TOLLIP: variants seen among roughly 807,000 people sequenced by gnomAD.
TOLLIP encodes toll interacting protein.
Under a neutral mutation model 33.5 loss-of-function variants are expected in TOLLIP, and 16 were observed. The ratio of observed to expected loss-of-function variants is 0.48; its 90% CI spans 0.32 to 0.72. TOLLIP has a LOEUF of 0.72. Among genes scored for constraint, TOLLIP ranks in the 30% least tolerant of loss-of-function variants. The probability of loss-of-function intolerance (pLI) is 0.03; values close to 1 mark genes in which losing one functional copy is unlikely to be tolerated. For synonymous variants in TOLLIP, 176 were observed against 163.7 expected, an observed-to-expected ratio of 1.07 and a Z score of -0.57; for missense variants, 325 against 396.6, an observed-to-expected ratio of 0.82 and a Z score of 1.53.
chr11:1,289,961 C>A, intron 3 of TOLLIP: 1 of 454,306 alleles, frequency 2.2e-6, no homozygotes, highest in East Asian at 3.9e-5. Flanking sequence ...GTGCGCCCAG[C>A]GGAGGGGACA....
chr11:1,283,764 G>A (rs963549270), intron 5 of TOLLIP, among the ~76,000 whole-genome samples: 9 of 152,202 alleles, frequency 5.9e-5, no homozygotes, highest in African/African-American at 1.2e-4. Context: ...ACACCCTGGC[G>A]CTGTATCCAG....
intron 1 of TOLLIP, among the ~76,000 whole-genome samples, chr11:1,305,179 A>C (rs1455096472): frequency 6.6e-6 from 1 of 152,252 alleles, no homozygotes; most frequent in East Asian, 1.9e-4. Flanking sequence ...CAAGCACAGC[A>C]ATTCCACACC....
chr11:1,282,476 T>C (rs1863533112), intron 5 of TOLLIP, among the ~76,000 whole-genome samples: 1 of 149,638 alleles, frequency 6.7e-6, no homozygotes, highest in Non-Finnish European at 1.5e-5. Context: ...ATAATTAAAA[T>C]AAATAAATAA....
At chr11:1,285,530 G>A (rs925210561) in intron 5 of TOLLIP, among the ~76,000 whole-genome samples, 2 of 152,200 alleles carry the variant, frequency 1.3e-5, no homozygotes, top group Non-Finnish European at 2.9e-5. Context: ...GACAACAGAC[G>A]CAACAGCGCA....
intron 1 of TOLLIP, among the ~76,000 whole-genome samples, chr11:1,309,191 G>A (rs1179406145): frequency 6.6e-6 from 1 of 152,176 alleles, no homozygotes; most frequent in Non-Finnish European, 1.5e-5. Context: ...GGCTCACAAC[G>A]GGCGCAGGCC....
chr11:1,287,163 C>T (rs185233508), intron 4 of TOLLIP, among the ~76,000 whole-genome samples: 35 of 152,094 alleles, frequency 2.3e-4, no homozygotes, highest in Admixed American at 9.8e-4. Flanking sequence ...CTGTCAACTG[C>T]GGATAAGTCA....
rs538360226 is a variant in TOLLIP at position 1,288,834 on chromosome 11, G to A, written c.367-58C>T. On this transcript the variant is annotated intron_variant, in intron 3 of 5. Transcript: ENST00000317204. ...TCAGGGAAGGGGCCACCCTGCCCCT[G>A]CAGCCGCACCATCGTGGGCCCGCCT... 104 of 1,567,920 alleles carry A rather than the reference G, an allele frequency of 6.6e-5. No individual in the cohort carries two copies. In the Admixed American group the frequency reaches 1.8e-3, roughly 28 times the overall value.
At position 1,307,211 on chromosome 11, in the gene TOLLIP, G is replaced by C. The variant is rs1370942946; in HGVS notation, c.33+2255C>G. On this transcript the variant is annotated intron_variant, in intron 1 of 5. Coordinates refer to ENST00000317204, the MANE Select transcript of TOLLIP (RefSeq NM_019009.4). ...CGTCGCTGACAACACCTTCTTAAGA[G>C]ACCCTGGCAGCTCCGAGCCAGACCT... Among the ~76,000 whole-genome samples, 6 of 152,212 alleles carry C rather than the reference G, an allele frequency of 3.9e-5. No homozygotes were observed. In the South Asian group the frequency reaches 6.2e-4, roughly 16 times the overall value.
chr11:1,297,448 G>A (rs888050942), intron 1 of TOLLIP, among the ~76,000 whole-genome samples: 5 of 152,338 alleles, frequency 3.3e-5, no homozygotes, highest in African/African-American at 9.6e-5. Flanking sequence ...GCACCGCTTC[G>A]AGCAGTTACG....
rs1182423978 is a variant in TOLLIP at position 1,309,577 on chromosome 11, C to A, written c.-79G>T. The A allele has an allele frequency of 3.8e-6, 3 of 787,256 alleles. No individual in the cohort carries two copies. Among genetic ancestry groups the A allele is most frequent in the African/African-American group, 3.7e-5 (2 of 54,274 alleles). The allele number at this position is 787,256 out of a possible 1,614,324, so 48.8% of individuals were successfully genotyped here. A position where few individuals can be genotyped will look rare whatever the true frequency, so the allele number is the denominator to read the frequency against. On this transcript the variant is annotated 5_prime_UTR_variant, in exon 1 of 6. Coordinates refer to ENST00000317204, the MANE Select transcript of TOLLIP (RefSeq NM_019009.4). ...CCTCCTGCGCCCCCGCCGGAGCCTGCGACGGAGACAGTTGTCACCTCGAGG... is the reference window on the plus strand; with the variant it reads ...CCTCCTGCGCCCCCGCCGGAGCCTGAGACGGAGACAGTTGTCACCTCGAGG...
At chr11:1,293,175 C>G (rs1864007334) in intron 2 of TOLLIP, among the ~76,000 whole-genome samples, 1 of 152,204 alleles carries the variant, frequency 6.6e-6, no homozygotes, top group Non-Finnish European at 1.5e-5. Context: ...TGGGCCTCAG[C>G]TTCCAGAGTG....
chr11:1,274,657 G>C lies in TOLLIP; in HGVS notation c.*2382C>G, dbSNP rs1045690025. The C allele has an allele frequency of 2.0e-5, 3 of 152,252 alleles. No individual in the cohort carries two copies. Among genetic ancestry groups the C allele is most frequent in the Admixed American group, 2.0e-4 (3 of 15,292 alleles). The allele number at this position is 152,252 out of a possible 1,614,324, so 9.4% of individuals were successfully genotyped here. A position where few individuals can be genotyped will look rare whatever the true frequency, so the allele number is the denominator to read the frequency against. ...GGCTCCAAGATGGCACAGTCAGGCT[G>C]TCCTTAGTGACCGCTGCCACGGAGC... On this transcript the variant is annotated 3_prime_UTR_variant, in exon 6 of 6. Coordinates refer to ENST00000317204, the MANE Select transcript of TOLLIP (RefSeq NM_019009.4).
intron 2 of TOLLIP, chr11:1,291,126 G>A (rs983744958): frequency 3.3e-5 from 5 of 152,252 alleles, no homozygotes; most frequent in Non-Finnish European, 7.3e-5. Context: ...TGGCAAGTAA[G>A]ATGATTGTTC....
rs907887787 is a variant in TOLLIP, at chr11:1,309,524, G to C, written c.-26C>G. ...GGTGCTGCGGCGGCCCCCGTGGCTC[G>C]CCGACCCGACAGTGACGCGCCGGGC... On this transcript the variant is annotated 5_prime_UTR_variant, in exon 1 of 6. Coordinates refer to ENST00000317204, the MANE Select transcript of TOLLIP (RefSeq NM_019009.4). 1.6e-6 allele frequency: 2 copies of C among 1,285,624 alleles called. No homozygotes were observed. Among genetic ancestry groups the C allele is most frequent in the South Asian group, 4.2e-5 (2 of 47,994 alleles). The allele number at this position is 1,285,624 out of a possible 1,614,324, so 79.6% of individuals were successfully genotyped here. A position where few individuals can be genotyped will look rare whatever the true frequency, so the allele number is the denominator to read the frequency against.
In TOLLIP at chr11:1,290,012, T is replaced by A. The variant is rs576261203; in HGVS notation, c.366+215A>T. 1.2e-5 allele frequency: 7 copies of A among 570,330 alleles called. No homozygotes were observed. The highest frequency in any genetic ancestry group is 1.1e-4 in the African/African-American group (6 of 53,592). The allele number at this position is 570,330 out of a possible 1,614,324, so 35.3% of individuals were successfully genotyped here. A position where few individuals can be genotyped will look rare whatever the true frequency, so the allele number is the denominator to read the frequency against. ...CCTGGGTCATGCTTGTCACTGGGGA[T>A]GTTTCCAAATGTAAGTATGTTCAAG... is the stretch of plus-strand genomic sequence containing the variant. On this transcript the variant is annotated intron_variant, in intron 3 of 5. Coordinates refer to ENST00000317204, the MANE Select transcript of TOLLIP (RefSeq NM_019009.4). This position sits in a 1 kb window ranked among gnomAD's most constrained non-coding sequence, Gnocchi z 4.9.
At chr11:1,302,356 T>C (rs1323909334) in intron 1 of TOLLIP, among the ~76,000 whole-genome samples, 1 of 152,184 alleles carries the variant, frequency 6.6e-6, no homozygotes, top group East Asian at 1.9e-4. Flanking sequence ...GAGACTGAAG[T>C]GCCAGCCTGC....
In TOLLIP at chr11:1,276,475, A is replaced by G. The variant is rs1309815906; in HGVS notation, c.*564T>C. 2 of 353,238 alleles carry G rather than the reference A, an allele frequency of 5.7e-6. No homozygotes were observed. Among genetic ancestry groups the G allele is most frequent in the Non-Finnish European group, 1.1e-5 (2 of 185,168 alleles). 21.9% of individuals were successfully genotyped at this position (353,238 alleles called of 1,614,324 possible). A position where few individuals can be genotyped will look rare whatever the true frequency, so the allele number is the denominator to read the frequency against. ...GGACAGTGGCCAGGTGAGCCAGGCC[A>G]GAGGCCGGCCCCACACCATCCACAG... On this transcript the variant is annotated 3_prime_UTR_variant, in exon 6 of 6. Transcript: ENST00000317204.
chr11:1,280,689 C>T (rs1863468073), intron 5 of TOLLIP, among the ~76,000 whole-genome samples: 1 of 152,074 alleles, frequency 6.6e-6, no homozygotes, highest in Non-Finnish European at 1.5e-5. Flanking sequence ...GCCCCACTTT[C>T]CAGGCCGATT....
rs1864328859 is a variant in TOLLIP at position 1,303,099 on chromosome 11, G to A, written c.33+6367C>T. 2.0e-5 allele frequency among the ~76,000 whole-genome samples: 3 copies of A among 152,192 alleles called. No individual in the cohort carries two copies. The highest frequency in any genetic ancestry group is 2.1e-4 in the South Asian group (1 of 4,834). On this transcript the variant is annotated intron_variant, in intron 1 of 5. Transcript: ENST00000317204. The surrounding 1 kb of genome is among the most constrained non-coding windows in gnomAD (Gnocchi z 4.2). ...GAGATGACAGTATTGAAACGAACCC[G>A]TGTAAGCTGAAGAGCGGTGAAAGGG...
Sources: gnomAD v4.1 joint callset for allele counts (sites outside exome capture counted in the v4.1 genomes callset) on GRCh38, gnomAD v4.1.1 for gene constraint, Gnocchi (gnomAD v3.1) non-coding constraint, MANE v1.5 for transcripts, NCBI Gene and HGNC (gene_info 2026-07-23, HGNC 2026-07-21) for gene names.